The following PLCB1 variants were observed in gnomAD, a reference collection of about 807,000 sequenced individuals.
The protein encoded by PLCB1 is phospholipase C beta 1.
PLCB1 carries 46 observed loss-of-function variants against 161.8 expected under a neutral mutation model. The observed-to-expected ratio is 0.28, with a 90% CI of 0.22 to 0.36. PLCB1 has a LOEUF of 0.36. PLCB1 is among the 10% of genes least tolerant of loss of function. The pLI is 1.00. For missense variants in PLCB1, 1,016 were observed against 1,472.5 expected (o/e 0.69, Z 5.07); for synonymous variants, 517 against 503.7 (o/e 1.03, Z -0.35).
intron 3 of PLCB1, 143 bp from the exon 4 acceptor site, chr20:8,628,151 G>A: frequency 1.5e-6 from 1 of 655,670 alleles, no homozygotes; most frequent in Non-Finnish European, 2.6e-6. Context: ...TTGTGGAATG[G>A]GAGCCTTAAA....
At chr20:8,509,775 T>C (rs1192426202) in intron 3 of PLCB1, among the ~76,000 whole-genome samples, 1 of 135,008 alleles carries the variant, frequency 7.4e-6, no homozygotes, top group Non-Finnish European at 1.6e-5. Context: ...GATAGATAGA[T>C]AGATAGATAG....
intron 9 of PLCB1, among the ~76,000 whole-genome samples, chr20:8,660,520 T>C (rs1989593523): frequency 6.6e-6 from 1 of 152,128 alleles, no homozygotes; most frequent in Non-Finnish European, 1.5e-5. Flanking sequence ...CACACCACAC[T>C]GCTGATGGCA....
intron 7 of PLCB1, among the ~76,000 whole-genome samples, chr20:8,650,343 G>T (rs1989281479): frequency 6.6e-6 from 1 of 151,996 alleles, no homozygotes; most frequent in Admixed American, 6.5e-5. Context: ...CAACACCGAG[G>T]AATTACCACC....
chr20:8,464,518 A>G (rs757373262), intron 3 of PLCB1, among the ~76,000 whole-genome samples: 6 of 152,152 alleles, frequency 3.9e-5, no homozygotes, highest in Non-Finnish European at 8.8e-5. Context: ...TTTTTCCTTC[A>G]GCTGTGTCTA....
intron 3 of PLCB1, among the ~76,000 whole-genome samples, chr20:8,412,672 C>G (rs1301694134): frequency 6.6e-6 from 1 of 151,964 alleles, no homozygotes; most frequent in Non-Finnish European, 1.5e-5. Context: ...ACATGGTTAT[C>G]CTGAAGATTC....
intron 3 of PLCB1, among the ~76,000 whole-genome samples, chr20:8,426,192 G>A (rs991233640): frequency 3.9e-5 from 6 of 152,312 alleles, no homozygotes; most frequent in African/African-American, 7.2e-5. Flanking sequence ...CACAGCCATC[G>A]CTCTTCACTA....
chr20:8,710,040 G>A (rs1978908015), intron 12 of PLCB1, among the ~76,000 whole-genome samples: 2 of 152,182 alleles, frequency 1.3e-5, no homozygotes, highest in East Asian at 1.9e-4. Context: ...GTAACAATAC[G>A]TATGAGTCCA....
At chr20:8,660,993 C>T (rs6118286) in intron 9 of PLCB1, among the ~76,000 whole-genome samples, 59,714 of 151,978 alleles carry the variant, frequency 0.39, 12,076 homozygotes, top group Admixed American at 0.45. Context: ...ATTCTTGATA[C>T]GCTTTTCATA....
At chr20:8,376,074 C>T (rs1468144001) in intron 3 of PLCB1, among the ~76,000 whole-genome samples, 2 of 152,022 alleles carry the variant, frequency 1.3e-5, no homozygotes, top group African/African-American at 4.8e-5. Flanking sequence ...TGCTTTTGGA[C>T]ACCACAGGGA....
chr20:8,791,666 T>C (rs145791614), intron 31 of PLCB1, among the ~76,000 whole-genome samples: 1 of 152,066 alleles, frequency 6.6e-6, no homozygotes, highest in East Asian at 1.9e-4. Context: ...ATGCGTGTTT[T>C]GGTTCAACAA....
At chr20:8,698,030 T>C (rs1990619089) in intron 11 of PLCB1, among the ~76,000 whole-genome samples, 1 of 152,270 alleles carries the variant, frequency 6.6e-6, no homozygotes, top group Non-Finnish European at 1.5e-5. Context: ...ATTTGTCTTG[T>C]CCTCTTTAGC....
chr20:8,799,326 A>G (rs1984177971), intron 31 of PLCB1, among the ~76,000 whole-genome samples: 1 of 152,226 alleles, frequency 6.6e-6, no homozygotes, highest in South Asian at 2.1e-4. Flanking sequence ...CACCGGGAAT[A>G]GGATGAGGTG....
intron 2 of PLCB1, among the ~76,000 whole-genome samples, chr20:8,205,609 T>A (rs1007290981): frequency 1.3e-5 from 2 of 152,220 alleles, no homozygotes; most frequent in African/African-American, 4.8e-5. Context: ...TTGGGATTTT[T>A]AAAATTATGG....
chr20:8,390,890 C>T (rs1284370777), intron 3 of PLCB1, among the ~76,000 whole-genome samples: 3 of 151,624 alleles, frequency 2.0e-5, no homozygotes, highest in Non-Finnish European at 4.4e-5. Context: ...GACTTAGTTT[C>T]TTCATCTGAA....
intron 31 of PLCB1, chr20:8,802,007 A>G: frequency 1.8e-6 from 2 of 1,102,378 alleles, no homozygotes; most frequent in Non-Finnish European, 2.8e-6. Flanking sequence ...TGACTTAGAA[A>G]TCAATTTCAT....
In PLCB1 at chr20:8,136,488, T is replaced by C. The variant is rs565223767; in HGVS notation, c.99+3738T>C. On this transcript the variant is annotated intron_variant, in intron 1 of 31. Transcript: ENST00000338037. ...AAAAATACAAAAAATTAGCCGGGCG[T>C]GGTGGCGGGCGCCTGTAGTCCCAGC... Among the ~76,000 whole-genome samples, 6 of 151,886 alleles carry C rather than the reference T, an allele frequency of 4.0e-5. No individual in the cohort carries two copies. In the South Asian group the frequency reaches 1.2e-3, roughly 32 times the overall value.
intron 3 of PLCB1, among the ~76,000 whole-genome samples, chr20:8,592,606 G>A (rs755702098): frequency 9.9e-5 from 15 of 152,058 alleles, no homozygotes; most frequent in Non-Finnish European, 1.8e-4. Context: ...TTTTCCCCTT[G>A]GAGAAGCCGA....
At chr20:8,402,890 T>C (rs1246578843) in intron 3 of PLCB1, among the ~76,000 whole-genome samples, 2 of 152,124 alleles carry the variant, frequency 1.3e-5, no homozygotes, top group Non-Finnish European at 2.9e-5. Context: ...TTTGATTTTT[T>C]TCATTTTAAC....
At chr20:8,769,635 C>T (rs1731400832) in intron 26 of PLCB1, among the ~76,000 whole-genome samples, 1 of 152,172 alleles carries the variant, frequency 6.6e-6, no homozygotes, top group African/African-American at 2.4e-5. Flanking sequence ...TCATTGTCAT[C>T]AGCTGTCTCA....
Sources: allele counts gnomAD v4.1 joint callset (sites outside exome capture counted in the v4.1 genomes callset), GRCh38; gene constraint gnomAD v4.1.1; transcripts MANE v1.5; gene names NCBI Gene and HGNC (gene_info 2026-07-23, HGNC 2026-07-21).